The following GRIK1 variants were observed in gnomAD, a reference collection of about 807,000 sequenced individuals.
The protein encoded by GRIK1 is glutamate receptor ionotropic, kainate 1.
GRIK1 carries 69 observed loss-of-function variants against 105.7 expected under a neutral mutation model. The ratio of observed to expected loss-of-function variants is 0.65; its 90% CI spans 0.54 to 0.80. The LOEUF (loss-of-function observed/expected upper bound fraction) is 0.80. Among genes scored for constraint, GRIK1 ranks in the 30% least tolerant of loss-of-function variants. GRIK1 has a pLI of 0.00. For synonymous variants in GRIK1, 438 were observed against 431.3 expected (o/e 1.02, Z -0.19); for missense variants, 1,109 against 1,167.3 (o/e 0.95, Z 0.73).
Position 29,889,718 on chromosome 21 carries a change from T to C in GRIK1, c.118+49665A>G, listed in dbSNP as rs567676184. ...ATCTCTAATTTTCTGTGGCTTGTGC[T>C]ATCTCCTCTTCTTCAGTTTAAAATA... On this transcript the variant is annotated intron_variant, in intron 1 of 17. Coordinates refer to ENST00000327783, the MANE Select transcript of GRIK1 (RefSeq NM_001330994.2). Among the ~76,000 whole-genome samples, 184 of 152,252 alleles carry C rather than the reference T, an allele frequency of 1.2e-3. 1 individual carries two copies. The highest frequency in any genetic ancestry group is 3.7e-3 in the South Asian group (18 of 4,832).
chr21:29,693,094 T>C (rs556266955), intron 2 of GRIK1, among the ~76,000 whole-genome samples: 1 of 152,312 alleles, frequency 6.6e-6, no homozygotes, highest in South Asian at 2.1e-4. Context: ...AGGCAAGGAT[T>C]CCTCTCTGAG....
chr21:29,576,337 C>G (rs1601162300), intron 14 of GRIK1, among the ~76,000 whole-genome samples: 2 of 152,278 alleles, frequency 1.3e-5, no homozygotes, highest in Middle Eastern at 3.4e-3. Context: ...GACACTAAAA[C>G]TAAACTCATC....
intron 1 of GRIK1, among the ~76,000 whole-genome samples, chr21:29,909,129 T>G (rs1289135894): frequency 6.6e-6 from 1 of 152,058 alleles, no homozygotes; most frequent in Non-Finnish European, 1.5e-5. Flanking sequence ...ACTATCCAAC[T>G]TTAGAAAAAA....
At chr21:29,670,350 C>T (rs1056453387) in intron 4 of GRIK1, among the ~76,000 whole-genome samples, 2 of 152,162 alleles carry the variant, frequency 1.3e-5, no homozygotes, top group Non-Finnish European at 2.9e-5. Context: ...TCCTACTCCC[C>T]GCTGTACCAG....
chr21:29,684,973 TTATC>T (rs1382963868), intron 3 of GRIK1, among the ~76,000 whole-genome samples: 6 of 152,218 alleles, frequency 3.9e-5, no homozygotes, highest in African/African-American at 7.2e-5. Context: ...TCATGATCTA[TTATC>T]TATCTATTAT....
At chr21:29,812,742 G>A (rs912782517) in intron 1 of GRIK1, among the ~76,000 whole-genome samples, 9 of 152,098 alleles carry the variant, frequency 5.9e-5, no homozygotes, top group Middle Eastern at 3.2e-3. Flanking sequence ...AAAACAAGCC[G>A]GCCAGGCTGG....
chr21:29,721,202 C>CT (rs796875602), intron 1 of GRIK1, among the ~76,000 whole-genome samples: 14 of 152,180 alleles, frequency 9.2e-5, no homozygotes, highest in African/African-American at 3.1e-4. Context: ...ATTTGCATAT[C>CT]TTTTTTCCTG....
intron 1 of GRIK1, among the ~76,000 whole-genome samples, chr21:29,839,087 T>C (rs1435486853): frequency 2.0e-5 from 3 of 152,110 alleles, no homozygotes; most frequent in Non-Finnish European, 2.9e-5. Context: ...TCTCACTCTG[T>C]TGCCCAGGCC....
intron 1 of GRIK1, among the ~76,000 whole-genome samples, chr21:29,864,214 T>C (rs2068733133): frequency 6.6e-6 from 1 of 152,162 alleles, no homozygotes; most frequent in South Asian, 2.1e-4. Context: ...ATTAGAAATG[T>C]TTAGTTAAAT....
intron 1 of GRIK1, among the ~76,000 whole-genome samples, chr21:29,714,686 A>T (rs923188306): frequency 7.9e-5 from 12 of 152,328 alleles, no homozygotes; most frequent in Non-Finnish European, 1.8e-4. Flanking sequence ...ACCTCAGGCA[A>T]TGTCATTGCA....
In GRIK1 at chr21:29,912,521, A is replaced by G. The variant is rs915100758; in HGVS notation, c.118+26862T>C. 5.9e-5 allele frequency among the ~76,000 whole-genome samples: 9 copies of G among 151,326 alleles called. No individual in the cohort carries two copies. In the East Asian group the frequency reaches 9.7e-4, roughly 16 times the overall value. On this transcript the variant is annotated intron_variant, in intron 1 of 17. Transcript: ENST00000327783. ...CTCTCAGGTTTATTCTCCAAAATAA[A>G]CCTGTCTTTGACTATTGAGCCACTT... is the stretch of plus-strand genomic sequence containing the variant.
At chr21:29,758,416 C>T (rs907760296) in intron 1 of GRIK1, among the ~76,000 whole-genome samples, 4 of 152,146 alleles carry the variant, frequency 2.6e-5, no homozygotes, top group Non-Finnish European at 5.9e-5. Context: ...TATAGAGGAA[C>T]TCCCCTTTAT....
chr21:29,883,036 T>G (rs1224717038), intron 1 of GRIK1, among the ~76,000 whole-genome samples: 2 of 152,084 alleles, frequency 1.3e-5, no homozygotes, highest in Non-Finnish European at 2.9e-5. Flanking sequence ...TTAACATAGT[T>G]CTGTGTTCAT....
intron 1 of GRIK1, among the ~76,000 whole-genome samples, chr21:29,792,739 T>C (rs2066454563): frequency 6.6e-6 from 1 of 152,210 alleles, no homozygotes; most frequent in Non-Finnish European, 1.5e-5. Context: ...TGCTAGGTGA[T>C]GGTGCAAGTT....
chr21:29,740,136 A>G (rs2064889517), intron 1 of GRIK1, among the ~76,000 whole-genome samples: 1 of 152,184 alleles, frequency 6.6e-6, no homozygotes, highest in African/African-American at 2.4e-5. Context: ...AACCAACGAT[A>G]GTATGAGTAA....
At chr21:29,731,593 C>T (rs902583666) in intron 1 of GRIK1, among the ~76,000 whole-genome samples, 2 of 152,188 alleles carry the variant, frequency 1.3e-5, no homozygotes, top group Admixed American at 1.3e-4. Flanking sequence ...GGAAAATTTG[C>T]TCCATTTTAA....
intron 1 of GRIK1, among the ~76,000 whole-genome samples, chr21:29,809,606 T>C (rs2066955657): frequency 6.6e-6 from 1 of 152,180 alleles, no homozygotes; most frequent in African/African-American, 2.4e-5. Flanking sequence ...CTGTTTTGCT[T>C]TCTTATCATT....
intron 6 of GRIK1, among the ~76,000 whole-genome samples, chr21:29,643,341 T>A (rs2062553834): frequency 6.6e-6 from 1 of 152,210 alleles, no homozygotes; most frequent in Non-Finnish European, 1.5e-5. Flanking sequence ...CAATATCAGA[T>A]TTGTTTCTCA....
rs138906755 is a variant in GRIK1 at position 29,821,185 on chromosome 21, G to T, written c.118+118198C>A. Among the ~76,000 whole-genome samples, 56 of 152,060 alleles carry T rather than the reference G, an allele frequency of 3.7e-4. 1 individual carries two copies. Among genetic ancestry groups the T allele is most frequent in the African/African-American group, 1.2e-3 (48 of 41,508 alleles). On this transcript the variant is annotated intron_variant, in intron 1 of 17. Coordinates refer to ENST00000327783, the MANE Select transcript of GRIK1 (RefSeq NM_001330994.2). ...TTAACACAGATTTTGTATATTCTAT[G>T]TATTAGATACTGTATTCTTTCAATA...
Sources: allele counts gnomAD v4.1 joint callset (sites outside exome capture counted in the v4.1 genomes callset), GRCh38; gene constraint gnomAD v4.1.1; transcripts MANE v1.5; gene names NCBI Gene and HGNC (gene_info 2026-07-23, HGNC 2026-07-21).